The following NLRP14 variants were observed in gnomAD, a reference collection of about 807,000 sequenced individuals.
The protein encoded by NLRP14 is NACHT, LRR and PYD domains-containing protein 14.
A neutral mutation model predicts 94.7 loss-of-function variants in NLRP14; 105 were observed. The ratio of observed to expected loss-of-function variants is 1.11; its 90% CI spans 0.95 to 1.30. The LOEUF (loss-of-function observed/expected upper bound fraction) is 1.30, where lower values mean the gene tolerates loss of function less well. Among genes scored for constraint, NLRP14 ranks in the 50% most tolerant of loss-of-function variants. The pLI is 0.00. For synonymous variants in NLRP14, 508 were observed against 459.9 expected (o/e 1.10, Z -1.34); for missense variants, 1,362 against 1,254.1 (o/e 1.09, Z -1.30).
the NLRP14 span, chr11:7,089,141 G>A: frequency 3.1e-6 from 5 of 1,613,838 alleles, no homozygotes; most frequent in Non-Finnish European, 2.5e-6. Flanking sequence ...CGGATCGCCC[G>A]GGGAAGCTGT....
intron 7 of NLRP14, 143 bp from the exon 8 acceptor site, chr11:7,058,137 A>T (rs568084991): frequency 8.1e-4 from 579 of 718,780 alleles, no homozygotes; most frequent in Non-Finnish European, 1.2e-3. Flanking sequence ...CTGCAATGGA[A>T]TTCGTAATTT....
chr11:7,050,905 T>C lies in NLRP14; in HGVS notation c.2291+1067T>C, dbSNP rs145193782. 2.2e-4 allele frequency among the ~76,000 whole-genome samples: 33 copies of C among 152,322 alleles called. No individual in the cohort carries two copies. In the East Asian group the frequency reaches 6.0e-3, roughly 28 times the overall value. ...GAAACTCAGGTAAGAAGTATGTCAC[T>C]GTTTCCTATATCTAAAAATAAAATG... On this transcript the variant is annotated intron_variant, in intron 6 of 11. Coordinates refer to ENST00000299481, the MANE Select transcript of NLRP14 (RefSeq NM_176822.4).
At position 7,039,776 on chromosome 11, in the gene NLRP14, G is replaced by A. The variant is rs767600938; in HGVS notation, c.352G>A (p.Ala118Thr). Residue 118 changes from alanine (A) to threonine (T), a missense_variant, in exon 3 of 12, where the codon GCA becomes ACA. Ala to Thr is a moderately conservative substitution (Grantham distance 58). Transcript: ENST00000299481. Reference sequence around the variant, plus strand: ...TGGAGAGACACAAGAAGATCAGGAGGCAGTGCTGGGTGAGTAGTTAGGCCT... The same window carrying A: ...TGGAGAGACACAAGAAGATCAGGAGACAGTGCTGGGTGAGTAGTTAGGCCT... ...KAGETQEDQEAVLGDGTEYRN... is the reference protein window; with the variant it reads ...KAGETQEDQETVLGDGTEYRN... 5.0e-5 allele frequency: 81 copies of A among 1,613,264 alleles called. No individual in the cohort carries two copies. The highest frequency in any genetic ancestry group is 6.9e-5 in the Non-Finnish European group (81 of 1,179,314).
chr11:7,060,102 C>A (rs1436137914), intron 9 of NLRP14, 38 bp downstream of exon 9: 4 of 1,548,742 alleles, frequency 2.6e-6, no homozygotes, highest in Non-Finnish European at 3.6e-6. Flanking sequence ...GTAGTTTCAA[C>A]AACAGAGTGT....
At chr11:7,066,482 T>G (rs564602182) in intron 10 of NLRP14, among the ~76,000 whole-genome samples, 2 of 152,334 alleles carry the variant, frequency 1.3e-5, no homozygotes, top group Non-Finnish European at 2.9e-5. Context: ...TTTTTTCATA[T>G]GTTTGTTGGC....
In NLRP14 at chr11:7,024,006, A is replaced by G. The variant is rs149255947; in HGVS notation, c.-22+3236A>G. On this transcript the variant is annotated intron_variant, in intron 1 of 11. Transcript: ENST00000299481. ...ATTTCAACAGGAGATTTCAGTGGGG[A>G]CAAATATCCAAACTATATCAGAAAC... is the stretch of plus-strand genomic sequence containing the variant. 5.9e-5 allele frequency among the ~76,000 whole-genome samples: 9 copies of G among 152,280 alleles called. 1 individual carries two copies. The highest frequency in any genetic ancestry group is 3.4e-3 in the Middle Eastern group (1 of 294).
At chr11:7,047,417 C>T (rs763948913) in intron 5 of NLRP14, among the ~76,000 whole-genome samples, 1 of 152,092 alleles carries the variant, frequency 6.6e-6, no homozygotes, top group Non-Finnish European at 1.5e-5. Context: ...AATCCTGCCA[C>T]CTCAGCCTCC....
chr11:7,072,912 C>T (rs1852823166), downstream of NLRP14, among the ~76,000 whole-genome samples: 1 of 152,112 alleles, frequency 6.6e-6, no homozygotes, highest in Non-Finnish European at 1.5e-5. Context: ...GAGAGCCAGA[C>T]TTCTCTGGGG....
intron 8 of NLRP14, 57 bp downstream of exon 8, chr11:7,058,507 A>G: frequency 7.9e-7 from 1 of 1,260,182 alleles, no homozygotes. Context: ...AAATATGTTT[A>G]AAATAGTAAA....
At chr11:7,062,561 G>C in intron 10 of NLRP14, 58 bp downstream of exon 10, 13 of 1,432,606 alleles carry the variant, frequency 9.1e-6, no homozygotes, top group Non-Finnish European at 1.1e-5. Flanking sequence ...AGTATAGCTA[G>C]AAGATATTTA....
intron 5 of NLRP14, among the ~76,000 whole-genome samples, chr11:7,048,652 G>A (rs1852395981): frequency 6.6e-6 from 1 of 152,166 alleles, no homozygotes; most frequent in African/African-American, 2.4e-5. Flanking sequence ...CTAGATGTAT[G>A]TTATGATTAC....
In NLRP14 at chr11:7,042,473, T is replaced by C; in HGVS notation, c.447T>C (p.Asp149=). 1 of 1,614,082 alleles carries C rather than the reference T, an allele frequency of 6.2e-7. No homozygotes were observed. Among genetic ancestry groups the C allele is most frequent in the Non-Finnish European group, 8.5e-7 (1 of 1,179,868 alleles). The change falls in exon 4 of 12, where the codon GAT becomes GAC. Residue 149 remains aspartate, a synonymous_variant. Coordinates refer to ENST00000299481, the MANE Select transcript of NLRP14 (RefSeq NM_176822.4). ...AGTCTTTGGCTGGAAAGCCTGAAGA[T>C]TTCCATCATGGAATTGCAGAGAAAG... The part of the protein sequence containing the change: ...DKKSLAGKPE[D]FHHGIAEKDR...
chr11:7,071,040 A>T, intron 11 of NLRP14, 133 bp from the exon 12 acceptor site: 1 of 955,332 alleles, frequency 1.0e-6, no homozygotes. Flanking sequence ...CCCACTCCTC[A>T]CCCATGTTAT....
the NLRP14 span, among the ~76,000 whole-genome samples, chr11:7,076,733 C>A: frequency 6.6e-6 from 1 of 151,968 alleles, no homozygotes; most frequent in African/African-American, 2.4e-5. Flanking sequence ...TTTTATTTCC[C>A]ATCGCTTGTC....
chr11:7,072,025 C>T (rs1229958894), downstream of NLRP14, among the ~76,000 whole-genome samples: 2 of 152,052 alleles, frequency 1.3e-5, no homozygotes, highest in African/African-American at 4.8e-5. Context: ...TTGGCAAGAG[C>T]GTGACACAAT....
At position 7,071,316 on chromosome 11, in the gene NLRP14, A is replaced by C. The variant is rs1341771021; in HGVS notation, c.*8A>C. On this transcript the variant is annotated 3_prime_UTR_variant, in exon 12 of 12. Coordinates refer to ENST00000299481, the MANE Select transcript of NLRP14 (RefSeq NM_176822.4). Reference sequence around the variant, plus strand: ...TGGTGGTGGTGTTTCTGATTTGAAGAAACTGACATTCCTTTAAAAATATAA... The same window carrying C: ...TGGTGGTGGTGTTTCTGATTTGAAGCAACTGACATTCCTTTAAAAATATAA... 6.2e-7 allele frequency: 1 copy of C among 1,608,556 alleles called. No homozygotes were observed. The highest frequency in any genetic ancestry group is 1.7e-5 in the Admixed American group (1 of 59,994).
intron 10 of NLRP14, 127 bp downstream of exon 10, chr11:7,062,630 A>G: frequency 1.2e-6 from 1 of 819,106 alleles, no homozygotes; most frequent in Non-Finnish European, 2.1e-6. Context: ...TCTCAGAAAT[A>G]AGAATCTAAA....
At chr11:7,038,436 G>A (rs77950134) in intron 1 of NLRP14, 130 bp from the exon 2 acceptor site, 22,581 of 724,688 alleles carry the variant, frequency 0.031, 405 homozygotes, top group Middle Eastern at 0.046. Flanking sequence ...GGTCAGTACC[G>A]AGCCTAATAC....
chr11:7,032,220 T>A (rs1450856004), intron 1 of NLRP14, among the ~76,000 whole-genome samples: 1 of 152,236 alleles, frequency 6.6e-6, no homozygotes, highest in South Asian at 2.1e-4. Context: ...TTATTTTAAG[T>A]ACATTTTGGT....
Sources: allele counts gnomAD v4.1 joint callset (sites outside exome capture counted in the v4.1 genomes callset), GRCh38; gene constraint gnomAD v4.1.1; transcripts MANE v1.5; gene names NCBI Gene and HGNC (gene_info 2026-07-23, HGNC 2026-07-21).